ZDHHC14: variants seen among roughly 807,000 people sequenced by gnomAD.
The protein encoded by ZDHHC14 is zDHHC palmitoyltransferase 14.
ZDHHC14 carries 16 observed loss-of-function variants against 47.7 expected under a neutral mutation model. That is an observed-to-expected ratio of 0.34 (90% CI 0.23 to 0.51). The LOEUF (loss-of-function observed/expected upper bound fraction) is 0.51, where lower values mean the gene tolerates loss of function less well. Among genes scored for constraint, ZDHHC14 ranks in the 20% least tolerant of loss-of-function variants. ZDHHC14 has a pLI of 0.97. For synonymous variants in ZDHHC14, 293 were observed against 278.9 expected, an observed-to-expected ratio of 1.05 and a Z score of -0.50; for missense variants, 515 against 662.5, an observed-to-expected ratio of 0.78 and a Z score of 2.44.
intron 3 of ZDHHC14, among the ~76,000 whole-genome samples, chr6:157,599,391 C>T (rs1384933895): frequency 1.3e-5 from 2 of 152,220 alleles, no homozygotes; most frequent in Admixed American, 6.5e-5. Flanking sequence ...CGACGAAACT[C>T]TGACTGTCTT....
At chr6:157,401,245 C>CT (rs901621075) in intron 1 of ZDHHC14, among the ~76,000 whole-genome samples, 2 of 151,904 alleles carry the variant, frequency 1.3e-5, no homozygotes, top group African/African-American at 2.4e-5. Context: ...CTAAAAAAAG[C>CT]TTTTTTTTAG....
intron 1 of ZDHHC14, among the ~76,000 whole-genome samples, chr6:157,394,781 G>A (rs908889100): frequency 2.6e-5 from 4 of 152,180 alleles, no homozygotes; most frequent in African/African-American, 7.2e-5. Flanking sequence ...TACAGCCACA[G>A]TAACTGGAAA....
At chr6:157,487,208 G>A (rs1796550927) in intron 1 of ZDHHC14, among the ~76,000 whole-genome samples, 1 of 152,190 alleles carries the variant, frequency 6.6e-6, no homozygotes, top group Admixed American at 6.5e-5. Context: ...GTATCATCCT[G>A]GAGGACATGG....
chr6:157,591,160 C>T (rs1012567767), intron 2 of ZDHHC14, among the ~76,000 whole-genome samples: 1 of 152,148 alleles, frequency 6.6e-6, no homozygotes, highest in Non-Finnish European at 1.5e-5. Context: ...TGTCTTTGGA[C>T]TTGGACTTTT....
At chr6:157,655,833 C>T (rs1304634461) in intron 8 of ZDHHC14, among the ~76,000 whole-genome samples, 1 of 152,194 alleles carries the variant, frequency 6.6e-6, no homozygotes, top group Non-Finnish European at 1.5e-5. Flanking sequence ...TCTTCTTACC[C>T]TGTGACCCCC....
intron 1 of ZDHHC14, among the ~76,000 whole-genome samples, chr6:157,515,818 C>T (rs146305922): frequency 0.016 from 2,406 of 152,236 alleles, 69 homozygotes; most frequent in African/African-American, 0.055. Flanking sequence ...CACTCACCCC[C>T]ACAGCTGTCT....
At chr6:157,526,510 T>C (rs1232059026) in intron 1 of ZDHHC14, among the ~76,000 whole-genome samples, 1 of 152,250 alleles carries the variant, frequency 6.6e-6, no homozygotes, top group African/African-American at 2.4e-5. Flanking sequence ...TAAAGTTCTG[T>C]AGACTCCAGA....
intron 1 of ZDHHC14, among the ~76,000 whole-genome samples, chr6:157,432,563 C>T (rs1393357341): frequency 6.6e-6 from 1 of 152,138 alleles, no homozygotes; most frequent in Non-Finnish European, 1.5e-5. Context: ...ATTTTCGTTG[C>T]CTGGTAGCCT....
chr6:157,382,816 A>G (rs1016567126), intron 1 of ZDHHC14, among the ~76,000 whole-genome samples: 6 of 152,216 alleles, frequency 3.9e-5, no homozygotes, highest in African/African-American at 1.2e-4. Context: ...TGTGCCCTGG[A>G]TAGATCATTG....
intron 2 of ZDHHC14, among the ~76,000 whole-genome samples, chr6:157,544,009 C>T (rs1459753117): frequency 1.3e-5 from 2 of 152,162 alleles, no homozygotes; most frequent in East Asian, 1.9e-4. Flanking sequence ...TTTATTATTA[C>T]ACCCATTTTA....
chr6:157,540,886 GTA>G (rs1286594945), intron 1 of ZDHHC14, among the ~76,000 whole-genome samples: 23 of 133,324 alleles, frequency 1.7e-4, no homozygotes, highest in Non-Finnish European at 2.6e-4. Flanking sequence ...ATATATGTAT[GTA>G]TGTGTGTGTG....
intron 7 of ZDHHC14, among the ~76,000 whole-genome samples, chr6:157,652,416 C>T (rs1054739088): frequency 6.6e-6 from 1 of 152,182 alleles, no homozygotes; most frequent in Non-Finnish European, 1.5e-5. Flanking sequence ...GGGGAAGATT[C>T]TGCGCTGTGG....
intron 1 of ZDHHC14, among the ~76,000 whole-genome samples, chr6:157,398,151 G>C (rs1338575097): frequency 6.6e-6 from 1 of 151,330 alleles, no homozygotes; most frequent in African/African-American, 2.4e-5. Flanking sequence ...AGAGTGGACA[G>C]TGACTGGATT....
intron 4 of ZDHHC14, among the ~76,000 whole-genome samples, chr6:157,628,844 C>T (rs1272168286): frequency 6.6e-6 from 1 of 152,150 alleles, no homozygotes; most frequent in African/African-American, 2.4e-5. Flanking sequence ...AGACTCATCC[C>T]CACATTTTGC....
intron 1 of ZDHHC14, among the ~76,000 whole-genome samples, chr6:157,526,944 G>A (rs1269307712): frequency 1.3e-5 from 2 of 152,148 alleles, no homozygotes; most frequent in Non-Finnish European, 2.9e-5. Context: ...GATGGTGGCC[G>A]GGAGCACTGA....
intron 2 of ZDHHC14, 170 bp from the exon 3 acceptor site, chr6:157,592,818 T>A: frequency 7.0e-7 from 1 of 1,424,646 alleles, no homozygotes; most frequent in Non-Finnish European, 9.2e-7. Flanking sequence ...GAGGCCGGGG[T>A]CCCAGCGGAG....
Position 157,628,239 on chromosome 6 carries a change from A to G in ZDHHC14, c.566-110A>G, listed in dbSNP as rs759081494. 8.2e-4 allele frequency: 869 copies of G among 1,055,952 alleles called. 2 individuals are homozygous for G. Among genetic ancestry groups the G allele is most frequent in the Non-Finnish European group, 1.0e-3 (799 of 775,952 alleles). 65.4% of individuals were successfully genotyped at this position (1,055,952 alleles called of 1,614,324 possible). On this transcript the variant is annotated intron_variant, in intron 3 of 8. Coordinates refer to ENST00000359775, the MANE Select transcript of ZDHHC14 (RefSeq NM_024630.3). Reference sequence around the variant, plus strand: ...ATTTGGAAATATGCAGAATAATATCATTGTGTTATACTATCAGAGTATTGG... The same window carrying G: ...ATTTGGAAATATGCAGAATAATATCGTTGTGTTATACTATCAGAGTATTGG...
At chr6:157,404,323 TG>T (rs1777701716) in intron 1 of ZDHHC14, among the ~76,000 whole-genome samples, 1 of 151,954 alleles carries the variant, frequency 6.6e-6, no homozygotes, top group Admixed American at 6.6e-5. Context: ...TTCGTAGAGG[TG>T]GGGTTTTTCC....
At chr6:157,596,613 C>G (rs893995306) in intron 3 of ZDHHC14, among the ~76,000 whole-genome samples, 1 of 152,196 alleles carries the variant, frequency 6.6e-6, no homozygotes, top group Non-Finnish European at 1.5e-5. Context: ...TGAGAACACA[C>G]AGGCCAGGGC....
Sources: gnomAD v4.1 joint callset for allele counts (sites outside exome capture counted in the v4.1 genomes callset) on GRCh38, gnomAD v4.1.1 for gene constraint, MANE v1.5 for transcripts, NCBI Gene and HGNC (gene_info 2026-07-23, HGNC 2026-07-21) for gene names.